Variants in VSNL1 observed in about 807,000 individuals in gnomAD.
The protein encoded by VSNL1 is visinin like 1.
A neutral mutation model predicts 20.4 loss-of-function variants in VSNL1; 6 were observed. That is an observed-to-expected ratio of 0.29 (90% confidence interval 0.16 to 0.58). The LOEUF is 0.58. Among genes scored for constraint, VSNL1 ranks in the 20% least tolerant of loss-of-function variants. VSNL1 has a pLI of 0.90. For synonymous variants in VSNL1, 93 were observed against 86.4 expected (o/e 1.08, Z -0.42); for missense variants, 100 against 234.5 (o/e 0.43, Z 3.75).
chr2:17,628,453 G>A (rs1453467013), intron 2 of VSNL1, among the ~76,000 whole-genome samples: 5 of 152,204 alleles, frequency 3.3e-5, no homozygotes, highest in African/African-American at 4.8e-5. Context: ...ACTAGGTACC[G>A]AGGGGCAGGA....
intron 1 of VSNL1, among the ~76,000 whole-genome samples, chr2:17,566,756 G>T (rs1663955545): frequency 6.6e-6 from 1 of 152,170 alleles, no homozygotes; most frequent in South Asian, 2.1e-4. Context: ...TTAAAATACT[G>T]TGTTAAGTTT....
chr2:17,545,134 T>G (rs753800527), intron 1 of VSNL1, among the ~76,000 whole-genome samples: 2 of 152,148 alleles, frequency 1.3e-5, no homozygotes, highest in Non-Finnish European at 2.9e-5. Context: ...TCAATATTTG[T>G]CAATTAAATA....
chr2:17,583,187 C>A (rs902083265), intron 1 of VSNL1, among the ~76,000 whole-genome samples: 1 of 152,126 alleles, frequency 6.6e-6, no homozygotes, highest in Non-Finnish European at 1.5e-5. Flanking sequence ...GCCACTCACC[C>A]CCTCCACCAA....
At chr2:17,603,985 A>AG (rs781176710) in intron 2 of VSNL1, among the ~76,000 whole-genome samples, 1 of 152,134 alleles carries the variant, frequency 6.6e-6, no homozygotes, top group African/African-American at 2.4e-5. Flanking sequence ...ACTCAACACC[A>AG]GGGGGGTCAG....
intron 1 of VSNL1, among the ~76,000 whole-genome samples, chr2:17,547,288 A>G (rs1663425797): frequency 6.6e-6 from 1 of 152,094 alleles, no homozygotes; most frequent in African/African-American, 2.4e-5. Flanking sequence ...TATGTAAAGA[A>G]TATAATGGCT....
At chr2:17,548,736 G>C (rs1414385187) in intron 1 of VSNL1, among the ~76,000 whole-genome samples, 1 of 152,062 alleles carries the variant, frequency 6.6e-6, no homozygotes, top group Non-Finnish European at 1.5e-5. Flanking sequence ...TTTTTTCCAA[G>C]TATATCTTCC....
intron 2 of VSNL1, among the ~76,000 whole-genome samples, chr2:17,638,742 T>C (rs1409143619): frequency 6.6e-6 from 1 of 152,184 alleles, no homozygotes; most frequent in South Asian, 2.1e-4. Flanking sequence ...TGAGATCTAG[T>C]CTCTAAGTTG....
At chr2:17,602,834 T>G (rs909233077) in intron 2 of VSNL1, among the ~76,000 whole-genome samples, 12 of 152,098 alleles carry the variant, frequency 7.9e-5, no homozygotes, top group African/African-American at 2.9e-4. Context: ...ATAGAGAAGC[T>G]ATTAGTTGTC....
At chr2:17,621,142 G>A (rs1468443464) in intron 2 of VSNL1, among the ~76,000 whole-genome samples, 4 of 152,032 alleles carry the variant, frequency 2.6e-5, no homozygotes, top group African/African-American at 9.7e-5. Flanking sequence ...CACTTAACAG[G>A]GAATCTCACC....
Position 17,582,435 on chromosome 2 carries a change from A to C in VSNL1, c.-5-9635A>C, listed in dbSNP as rs73919096. 8.3e-3 allele frequency among the ~76,000 whole-genome samples: 1,259 copies of C among 152,222 alleles called. 16 individuals carry two copies. Among genetic ancestry groups the C allele is most frequent in the African/African-American group, 0.028 (1,182 of 41,550 alleles). On this transcript the variant is annotated intron_variant, in intron 1 of 3. Transcript: ENST00000295156. ...GGAAGATGGAATTCAGGAGGGTAAG[A>C]CTTTAGATGGAGAAGCAAGTTAGGA...
chr2:17,574,803 G>A (rs13388188), intron 1 of VSNL1, among the ~76,000 whole-genome samples: 4,611 of 152,142 alleles, frequency 0.03, 220 homozygotes, highest in African/African-American at 0.11. Flanking sequence ...GTCTCACTCT[G>A]TCCCCCAGCC....
intron 1 of VSNL1, among the ~76,000 whole-genome samples, chr2:17,558,813 T>C (rs1367135199): frequency 1.3e-5 from 2 of 152,226 alleles, no homozygotes; most frequent in Non-Finnish European, 2.9e-5. Context: ...GTTTGCAGAT[T>C]ATCTTTAAGG....
At chr2:17,555,211 A>G (rs1663647046) in intron 1 of VSNL1, among the ~76,000 whole-genome samples, 1 of 152,200 alleles carries the variant, frequency 6.6e-6, no homozygotes, top group African/African-American at 2.4e-5. Context: ...TAGAAGATTG[A>G]GGAAAATTCA....
chr2:17,608,835 T>A (rs1296899429), intron 2 of VSNL1, among the ~76,000 whole-genome samples: 1 of 152,198 alleles, frequency 6.6e-6, no homozygotes, highest in Non-Finnish European at 1.5e-5. Context: ...TATTTTGTGT[T>A]AGGGATGTAT....
intron 1 of VSNL1, among the ~76,000 whole-genome samples, chr2:17,584,250 AG>A (rs71402619): frequency 0.22 from 33,159 of 152,054 alleles, 4,731 homozygotes; most frequent in Middle Eastern, 0.4. Context: ...ACCCACAAAA[AG>A]GGATACAAGG....
At chr2:17,547,039 A>C (rs1396294483) in intron 1 of VSNL1, among the ~76,000 whole-genome samples, 1 of 152,068 alleles carries the variant, frequency 6.6e-6, no homozygotes, top group African/African-American at 2.4e-5. Flanking sequence ...CCACTAAACT[A>C]TTAGTCTTTC....
intron 1 of VSNL1, among the ~76,000 whole-genome samples, chr2:17,549,683 C>T (rs1447220551): frequency 6.6e-6 from 1 of 152,174 alleles, no homozygotes; most frequent in Admixed American, 6.5e-5. Context: ...AAAATGCTTA[C>T]TAAATCCCAC....
chr2:17,619,029 C>G (rs1474489701), intron 2 of VSNL1, among the ~76,000 whole-genome samples: 1 of 152,002 alleles, frequency 6.6e-6, no homozygotes, highest in East Asian at 1.9e-4. Flanking sequence ...CAGTCAGGGG[C>G]GAAGGAAGAG....
chr2:17,632,280 T>TTTTTTG (rs1665651624), intron 2 of VSNL1, among the ~76,000 whole-genome samples: 1 of 152,096 alleles, frequency 6.6e-6, no homozygotes, highest in South Asian at 2.1e-4. Flanking sequence ...GTCATTGTTT[T>TTTTTTG]TTTTTGTTTT....
Sources: allele counts gnomAD v4.1 joint callset (sites outside exome capture counted in the v4.1 genomes callset), GRCh38; gene constraint gnomAD v4.1.1; transcripts MANE v1.5; gene names NCBI Gene and HGNC (gene_info 2026-07-23, HGNC 2026-07-21).